RGPD3: variants seen among roughly 807,000 people sequenced by gnomAD.
RGPD3 encodes RANBP2 like and GRIP domain containing 3, also known as ranBP2-like and GRIP domain-containing protein 3.
A neutral mutation model predicts 154.5 loss-of-function variants in RGPD3; 62 were observed. That is an observed-to-expected ratio of 0.40 (90% CI 0.33 to 0.50). The LOEUF is 0.50. Ranked by LOEUF, RGPD3 falls within the 20% of genes least tolerant of loss-of-function variation. The pLI is 0.59. For missense variants in RGPD3, 919 were observed against 1,716.8 expected, an observed-to-expected ratio of 0.54 and a Z score of 8.21; for synonymous variants, 308 against 607.0, an observed-to-expected ratio of 0.51 and a Z score of 7.24.
At chr2:106,448,901 T>C (rs1167144347) in intron 6 of RGPD3, among the ~76,000 whole-genome samples, 1 of 150,564 alleles carries the variant, frequency 6.6e-6, no homozygotes, top group Non-Finnish European at 1.5e-5. Context: ...CATTGTTAGC[T>C]GGGATGGTCT....
intron 3 of RGPD3, among the ~76,000 whole-genome samples, 162 bp downstream of exon 3, chr2:106,457,405 T>C (rs1460893735): frequency 6.6e-6 from 1 of 152,272 alleles, no homozygotes; most frequent in Non-Finnish European, 1.5e-5. Context: ...TTATAGGTGT[T>C]AAACAATTCT....
At chr2:106,413,492 C>T (rs1676733072) in intron 21 of RGPD3, among the ~76,000 whole-genome samples, 1 of 152,120 alleles carries the variant, frequency 6.6e-6, no homozygotes, top group Non-Finnish European at 1.5e-5. Flanking sequence ...ATCCATTTGA[C>T]ATGAAAACCG....
At chr2:106,417,525 T>C (rs1676855482) in intron 20 of RGPD3, among the ~76,000 whole-genome samples, 1 of 149,460 alleles carries the variant, frequency 6.7e-6, no homozygotes. Context: ...ACTGTGTGTA[T>C]GTGCTGGCGG....
chr2:106,411,038 C>T (rs1276988494), intron 22 of RGPD3, among the ~76,000 whole-genome samples: 1 of 150,084 alleles, frequency 6.7e-6, no homozygotes, highest in African/African-American at 2.5e-5. Context: ...TCTTATCAGG[C>T]CTCTAGACCA....
In RGPD3 at chr2:106,428,729, G is replaced by C. The variant is rs543550451; in HGVS notation, c.2605+917C>G. The stretch of plus-strand genomic sequence containing the variant: ...GGGCACTACTACTACCATTTCAGAA[G>C]TCTGTCGTACATAAAAGGAACAATT... On this transcript the variant is annotated intron_variant, in intron 18 of 22. Transcript: ENST00000409886. Among the ~76,000 whole-genome samples the C allele has an allele frequency of 8.4e-4, 127 of 151,576 alleles. 1 individual carries two copies. Among genetic ancestry groups the C allele is most frequent in the Middle Eastern group, 3.4e-3 (1 of 294 alleles).
chr2:106,415,674 C>CAAAAA (rs879163469), intron 21 of RGPD3, among the ~76,000 whole-genome samples, 176 bp downstream of exon 21: 54 of 44,734 alleles, frequency 1.2e-3, no homozygotes, highest in African/African-American at 5.1e-3. Context: ...AAGACTGTCT[C>CAAAAA]AAAAAAAAAA....
At chr2:106,468,468 C>T, upstream of RGPD3, 3 of 1,253,702 alleles carry the variant, frequency 2.4e-6, no homozygotes, top group African/African-American at 1.5e-5. Flanking sequence ...CTTCGGCGCT[C>T]GAGCTGCACT....
At chr2:106,438,299 A>G (rs1488933707) in intron 9 of RGPD3, among the ~76,000 whole-genome samples, 1 of 151,820 alleles carries the variant, frequency 6.6e-6, no homozygotes, top group Non-Finnish European at 1.5e-5. Flanking sequence ...AGCCTGGGCA[A>G]CAAAGGGAGA....
At chr2:106,445,285 T>C (rs2104493325) in intron 7 of RGPD3, among the ~76,000 whole-genome samples, 1 of 150,240 alleles carries the variant, frequency 6.7e-6, no homozygotes, top group Non-Finnish European at 1.5e-5. Context: ...TGAGACTCCG[T>C]CTCAAAAAAA....
intron 22 of RGPD3, among the ~76,000 whole-genome samples, chr2:106,412,320 T>TTTTTTTTTTTG (rs1676699016): frequency 9.1e-6 from 1 of 109,684 alleles, no homozygotes; most frequent in African/African-American, 3.4e-5. Context: ...TTTTTTTTTT[T>TTTTTTTTTTTG]TTTTTTTTTT....
Position 106,434,621 on chromosome 2 carries a change from T to C in RGPD3, c.2058+16A>G, listed in dbSNP as rs1304452674. The C allele has an allele frequency of 3.2e-6, 1 of 315,626 alleles. No homozygotes were observed. Among genetic ancestry groups the C allele is most frequent in the Non-Finnish European group, 5.5e-6 (1 of 183,400 alleles). The allele number at this position is 315,626 out of a possible 1,614,324, so 19.6% of individuals were successfully genotyped here. A position where few individuals can be genotyped will look rare whatever the true frequency, so the allele number is the denominator to read the frequency against. ...AAATAAATAAAACTTTTAGCTCAAG[T>C]ACTGCATCTACTTACCAGTGCAAGA... On this transcript the variant is annotated intron_variant, in intron 14 of 22. Coordinates refer to ENST00000409886, the MANE Select transcript of RGPD3 (RefSeq NM_001144013.2).
Position 106,425,125 on chromosome 2 carries a change from G to C in RGPD3, c.2842C>G (p.Gln948Glu), listed in dbSNP as rs776193682. The C allele has an allele frequency of 1.2e-6, 2 of 1,611,980 alleles. No homozygotes were observed. The highest frequency in any genetic ancestry group is 1.1e-5 in the South Asian group (1 of 90,980). The change falls in exon 20 of 23, where the codon CAG becomes GAG. Residue 948 changes from glutamine to glutamate, a missense_variant. Gln to Glu is a conservative substitution (Grantham distance 29). Coordinates refer to ENST00000409886, the MANE Select transcript of RGPD3 (RefSeq NM_001144013.2). ...EKPLENDTGL[Q>E]AQDISGRKKG... is the part of the protein sequence containing the mutation. ...TTCCGGCCACTAATATCCTGAGCCT[G>C]TAAGCCAGTATCATTTTCAAGAGGC...
intron 22 of RGPD3, among the ~76,000 whole-genome samples, chr2:106,410,546 G>A (rs557677944): frequency 2.0e-5 from 3 of 152,314 alleles, no homozygotes; most frequent in African/African-American, 7.2e-5. Context: ...AAAGAGGGCT[G>A]TTAGACATGC....
chr2:106,449,659 C>T (rs1177057713), intron 6 of RGPD3, among the ~76,000 whole-genome samples: 3 of 151,990 alleles, frequency 2.0e-5, no homozygotes, highest in East Asian at 1.9e-4. Context: ...AGGCAGATCA[C>T]GATGTCAAGA....
At chr2:106,461,426 C>A (rs1187307823) in intron 1 of RGPD3, among the ~76,000 whole-genome samples, 1 of 152,176 alleles carries the variant, frequency 6.6e-6, no homozygotes, top group Non-Finnish European at 1.5e-5. Context: ...GCACATACAG[C>A]ATGAATATGT....
At chr2:106,409,084 T>C (rs1378162138) in intron 22 of RGPD3, among the ~76,000 whole-genome samples, 4 of 151,332 alleles carry the variant, frequency 2.6e-5, no homozygotes, top group Admixed American at 6.6e-5. Context: ...AATACTATTA[T>C]AAACTTTACA....
Position 106,436,297 on chromosome 2 carries a change from C to T in RGPD3, c.1635-51G>A, listed in dbSNP as rs527472955. ...ATTGCTTTCTAAATACACAGTTCAGCGCTTACATACATATATGTTAATGGG... is the reference window on the plus strand; with the variant it reads ...ATTGCTTTCTAAATACACAGTTCAGTGCTTACATACATATATGTTAATGGG... On this transcript the variant is annotated intron_variant, in intron 11 of 22. Coordinates refer to ENST00000409886, the MANE Select transcript of RGPD3 (RefSeq NM_001144013.2). The T allele has an allele frequency of 5.0e-5, 80 of 1,610,626 alleles. 1 individual carries two copies. In the African/African-American group the frequency reaches 6.3e-4, roughly 13 times the overall value.
chr2:106,411,742 T>C (rs532691289), intron 22 of RGPD3, among the ~76,000 whole-genome samples: 33 of 152,200 alleles, frequency 2.2e-4, no homozygotes, highest in Admixed American at 1.4e-3. Flanking sequence ...CGCTTGAATC[T>C]GGGAGGAGGA....
intron 22 of RGPD3, among the ~76,000 whole-genome samples, chr2:106,409,405 A>T (rs1232754465): frequency 6.6e-6 from 1 of 152,088 alleles, no homozygotes; most frequent in African/African-American, 2.4e-5. Flanking sequence ...TACATCATTA[A>T]GAATTTTCAG....
Sources: allele counts gnomAD v4.1 joint callset (sites outside exome capture counted in the v4.1 genomes callset), GRCh38; gene constraint gnomAD v4.1.1; transcripts MANE v1.5; gene names NCBI Gene and HGNC (gene_info 2026-07-23, HGNC 2026-07-21).